The following TBC1D28 variants were observed in gnomAD, a reference collection of about 807,000 sequenced individuals.
The protein encoded by TBC1D28 is TBC1 domain family member 28, also known as TBC1 domain family, member 28.
TBC1D28 carries 20 observed loss-of-function variants against 29.2 expected under a neutral mutation model. The ratio of observed to expected loss-of-function variants is 0.68; its 90% CI spans 0.48 to 0.99. The LOEUF is 0.99. Ranked by LOEUF, TBC1D28 falls within the 50% of genes least tolerant of loss-of-function variation. The probability of loss-of-function intolerance (pLI) is 0.00; values close to 1 mark genes in which losing one functional copy is unlikely to be tolerated. For synonymous variants in TBC1D28, 65 were observed against 90.9 expected, an observed-to-expected ratio of 0.71 and a Z score of 1.62; for missense variants, 205 against 243.7, an observed-to-expected ratio of 0.84 and a Z score of 1.06.
Position 18,638,380 on chromosome 17 carries a change from C to T in TBC1D28, c.320G>A (p.Arg107Gln), listed in dbSNP as rs142639628. Reference sequence around the variant, plus strand: ...TAGCAAAAGTGACAACGCCCGGCCCCGCACCGCCAGGGGAATGACTTTGCA... The same window carrying T: ...TAGCAAAAGTGACAACGCCCGGCCCTGCACCGCCAGGGGAATGACTTTGCA... Residue 107 changes from arginine (R) to glutamine (Q), a missense_variant, in exon 7 of 9, where the codon CGG (arginine) becomes CAG (glutamine). Physicochemically the swap from Arg to Gln is conservative, Grantham distance 43. Transcript: ENST00000345096. The T allele has an allele frequency of 1.0e-3, 1,654 of 1,614,200 alleles. 14 individuals are homozygous for T. In the African/African-American group the frequency reaches 0.018, roughly 18 times the overall value.
chr17:18,640,106 G>A (rs77163387), intron 4 of TBC1D28, among the ~76,000 whole-genome samples: 89,642 of 149,416 alleles, frequency 0.6, 27,667 homozygotes, highest in East Asian at 0.94. Flanking sequence ...CTCCCCTACT[G>A]TCCTGCCTGC....
At chr17:18,634,849 C>CCCTCAGCCG (rs1158996868), downstream of TBC1D28, among the ~76,000 whole-genome samples, 183 of 138,410 alleles carry the variant, frequency 1.3e-3, no homozygotes, top group Middle Eastern at 4.0e-3. Flanking sequence ...CCTCCTCAGC[C>CCCTCAGCCG]CCTCAGCCGC....
chr17:18,640,396 A>C (rs2649504), intron 4 of TBC1D28, among the ~76,000 whole-genome samples: 75,466 of 130,820 alleles, frequency 0.58, 22,897 homozygotes, highest in East Asian at 0.94. Flanking sequence ...CCTGTGAGTC[A>C]TGAGGGGCCG....
At position 18,637,014 on chromosome 17, in the gene TBC1D28, C is replaced by G. The variant is rs190996828; in HGVS notation, c.498-417G>C. Among the ~76,000 whole-genome samples, 198 of 86,118 alleles carry G rather than the reference C, an allele frequency of 2.3e-3. 54 individuals are homozygous for G. In the Middle Eastern group the frequency reaches 0.032, roughly 14 times the overall value. The allele number at this position is 86,118 out of a possible 152,430, so 56.5% of individuals were successfully genotyped here. On this transcript the variant is annotated intron_variant, in intron 8 of 8. Coordinates refer to ENST00000345096, the Ensembl canonical transcript of TBC1D28. The stretch of plus-strand genomic sequence containing the variant: ...CCTTTGCAGGCAACGTCTCCCGGCT[C>G]TGTCAGCCCCTGGCCATCCTGATCT...
At chr17:18,638,599 G>A (rs2151716864) in intron 6 of TBC1D28, 22 bp downstream of exon 7, 1 of 1,614,168 alleles carries the variant, frequency 6.2e-7, no homozygotes, top group East Asian at 2.2e-5. Flanking sequence ...CAGTCACGGG[G>A]GCCGCTTCCT....
In TBC1D28 at chr17:18,636,576, G is replaced by A. The variant is rs375442485; in HGVS notation, c.519C>T (p.Ile173=). 1.4e-4 allele frequency: 228 copies of A among 1,613,704 alleles called. No individual in the cohort carries two copies. In the Middle Eastern group the frequency reaches 6.6e-3, roughly 47 times the overall value. ...GGTTATATGCAGAATAGGCCACGAG[G>A]ATGTCACATAATTCCTGCTGCCTAG... The change falls in exon 9 of 9, where the codon ATC becomes ATT. Residue 173 remains isoleucine, a synonymous_variant. Coordinates refer to ENST00000345096, the Ensembl canonical transcript of TBC1D28.
chr17:18,636,731 A>G, intron 8 of TBC1D28, 134 bp from the exon 10 acceptor site: 1 of 1,094,774 alleles, frequency 9.1e-7, no homozygotes, highest in African/African-American at 1.6e-5. Flanking sequence ...GCTCTTTAGG[A>G]CACCTGAGTT....
At chr17:18,634,724 C>A (rs1346905456), downstream of TBC1D28, among the ~76,000 whole-genome samples, 1 of 152,268 alleles carries the variant, frequency 6.6e-6, no homozygotes, top group African/African-American at 2.4e-5. Flanking sequence ...AGAGAGAAAG[C>A]AGCCCGAGGG....
chr17:18,636,380 A>C, exon 9 of TBC1D28: 1 of 1,569,556 alleles, frequency 6.4e-7, no homozygotes, highest in Non-Finnish European at 8.6e-7. Flanking sequence ...ATGTGAGACC[A>C]GGAGTCTGGG....
exon 9 of TBC1D28, chr17:18,636,551 G>A: frequency 3.7e-6 from 6 of 1,613,956 alleles, no homozygotes; most frequent in Non-Finnish European, 5.1e-6. Context: ...ATACTCACAG[G>A]GTTATATGCA....
chr17:18,641,486 G>A, intron 2 of TBC1D28, 133 bp from the exon 4 acceptor site: 1 of 1,015,930 alleles, frequency 9.8e-7, no homozygotes, highest in Non-Finnish European at 1.5e-6. Flanking sequence ...AGATGACAAG[G>A]GGCCAGACTC....
chr17:18,642,913 G>C (rs2031833795), upstream of TBC1D28: 1 of 152,286 alleles, frequency 6.6e-6, no homozygotes, highest in Non-Finnish European at 1.5e-5. Context: ...CCATCATAAT[G>C]GGCCATTGCC....
At position 18,641,622 on chromosome 17, in the gene TBC1D28, A is replaced by T. The variant is rs1415273192; in HGVS notation, c.-2+10T>A. ...CTATTGTCCCCGAACACCCCAAGGC[A>T]GACACACACCTGCCCTGGCAGGACA... On this transcript the variant is annotated intron_variant, in intron 2 of 8. Transcript: ENST00000345096. 3.8e-6 allele frequency: 2 copies of T among 523,034 alleles called. No individual in the cohort carries two copies. The highest frequency in any genetic ancestry group is 3.1e-5 in the East Asian group (1 of 32,266). The allele number at this position is 523,034 out of a possible 1,614,324, so 32.4% of individuals were successfully genotyped here.
In TBC1D28 at chr17:18,637,742, G is replaced by C. The variant is rs529379709; in HGVS notation, c.497+122C>G. Reference sequence around the variant, plus strand: ...ATGGTGCCGGCTGCTCCCTGGGCCAGGAGAGCCCTTGGTGGCTCTGTCACC... The same window carrying C: ...ATGGTGCCGGCTGCTCCCTGGGCCACGAGAGCCCTTGGTGGCTCTGTCACC... On this transcript the variant is annotated intron_variant, in intron 8 of 8. Transcript: ENST00000345096. 2.0e-4 allele frequency: 264 copies of C among 1,340,416 alleles called. 3 individuals are homozygous for C. In the South Asian group the frequency reaches 3.3e-3, roughly 17 times the overall value. 83.0% of individuals were successfully genotyped at this position (1,340,416 alleles called of 1,614,324 possible).
At chr17:18,641,136 G>A (rs1406127109) in intron 3 of TBC1D28, 32 bp from the exon 5 acceptor site, 1 of 773,098 alleles carries the variant, frequency 1.3e-6, no homozygotes, top group South Asian at 1.9e-5. Flanking sequence ...GATAGTGGGG[G>A]TAAGGTGAGA....
Position 18,638,368 on chromosome 17 carries a change from A to C in TBC1D28, c.332T>G (p.Leu111Trp), listed in dbSNP as rs759320136. The change falls in exon 7 of 9, where the codon TTG becomes TGG. Residue 111 changes from leucine to tryptophan, a missense_variant. Coordinates refer to ENST00000345096, the Ensembl canonical transcript of TBC1D28. ...TTTGTCAATATCTAGCAAAAGTGAC[A>C]ACGCCCGGCCCCGCACCGCCAGGGG... The C allele has an allele frequency of 1.3e-4, 208 of 1,614,122 alleles. No individual in the cohort carries two copies. Among genetic ancestry groups the C allele is most frequent in the Non-Finnish European group, 1.7e-4 (198 of 1,180,052 alleles).
chr17:18,638,946 G>A (rs2031640469), intron 5 of TBC1D28: 5 of 806,622 alleles, frequency 6.2e-6, no homozygotes, highest in Non-Finnish European at 9.7e-6. Flanking sequence ...CTTCAGCTGG[G>A]GTCTTGGTTC....
rs373636037 is a variant in TBC1D28, at chr17:18,638,440, C to T, written c.280-20G>A. 370 of 1,613,664 alleles carry T rather than the reference C, an allele frequency of 2.3e-4. 2 individuals are homozygous for T. The highest frequency in any genetic ancestry group is 3.0e-4 in the Non-Finnish European group (355 of 1,179,752). ...AGACAGCTACAGACAGAAGAACACT[C>T]CAGTGAGAAAGGACATGGGGCAACC... On this transcript the variant is annotated intron_variant, in intron 6 of 8. Transcript: ENST00000345096.
chr17:18,638,844 T>A, intron 5 of TBC1D28, 143 bp from the exon 7 acceptor site: 1 of 1,053,582 alleles, frequency 9.5e-7, no homozygotes, highest in Non-Finnish European at 1.4e-6. Flanking sequence ...GCTGAGACCC[T>A]CTGAAGGAAC....
Sources: gnomAD v4.1 joint callset for allele counts (sites outside exome capture counted in the v4.1 genomes callset) on GRCh38, gnomAD v4.1.1 for gene constraint, MANE v1.5 for transcripts, NCBI Gene and HGNC (gene_info 2026-07-23, HGNC 2026-07-21) for gene names.